ARHGAP15: variants seen among roughly 807,000 people sequenced by gnomAD.
The protein encoded by ARHGAP15 is rho GTPase-activating protein 15.
ARHGAP15 carries 51 observed loss-of-function variants against 63.7 expected under a neutral mutation model. That is an observed-to-expected ratio of 0.80 (90% CI 0.64 to 1.01). The LOEUF (loss-of-function observed/expected upper bound fraction) is 1.01, where lower values mean the gene tolerates loss of function less well. Among genes scored for constraint, ARHGAP15 ranks in the 50% least tolerant of loss-of-function variants. The pLI is 0.00. For synonymous variants in ARHGAP15, 191 were observed against 193.8 expected (o/e 0.99, Z 0.12); for missense variants, 560 against 564.6 (o/e 0.99, Z 0.08).
chr2:143,622,490 G>T (rs1698679247), intron 11 of ARHGAP15, among the ~76,000 whole-genome samples: 1 of 152,094 alleles, frequency 6.6e-6, no homozygotes, highest in Admixed American at 6.5e-5. Context: ...ACTGTTTAAA[G>T]CTGGCCTGCT....
intron 8 of ARHGAP15, among the ~76,000 whole-genome samples, chr2:143,442,077 T>C (rs1199110639): frequency 1.3e-5 from 2 of 152,176 alleles, no homozygotes; most frequent in Admixed American, 6.6e-5. Flanking sequence ...TTTTAACTTG[T>C]CTTTGTTTAA....
At chr2:143,140,430 C>A (rs1260615394) in intron 1 of ARHGAP15, among the ~76,000 whole-genome samples, 1 of 151,988 alleles carries the variant, frequency 6.6e-6, no homozygotes, top group Admixed American at 6.6e-5. Context: ...ACTCTTATGC[C>A]TGAAATTAAA....
intron 11 of ARHGAP15, among the ~76,000 whole-genome samples, chr2:143,581,743 G>A (rs976957400): frequency 3.3e-5 from 5 of 152,102 alleles, no homozygotes; most frequent in African/African-American, 7.2e-5. Context: ...TCTCAACTCC[G>A]GAAATGGCAC....
At chr2:143,131,264 C>T (rs1288558251) in intron 1 of ARHGAP15, among the ~76,000 whole-genome samples, 3 of 152,072 alleles carry the variant, frequency 2.0e-5, no homozygotes, top group Admixed American at 1.3e-4. Flanking sequence ...CAGTAAGGTA[C>T]AAACCAAATT....
At chr2:143,312,579 T>C (rs1298835177) in intron 6 of ARHGAP15, among the ~76,000 whole-genome samples, 1 of 152,294 alleles carries the variant, frequency 6.6e-6, no homozygotes, top group African/African-American at 2.4e-5. Flanking sequence ...TTATAGTGTA[T>C]GTTCTTGCCA....
At chr2:143,429,343 T>G (rs1286724687) in intron 6 of ARHGAP15, among the ~76,000 whole-genome samples, 1 of 151,996 alleles carries the variant, frequency 6.6e-6, no homozygotes, top group Non-Finnish European at 1.5e-5. Context: ...AATTTTATTA[T>G]GCAGAACAAA....
intron 9 of ARHGAP15, among the ~76,000 whole-genome samples, chr2:143,512,522 G>A (rs1693634971): frequency 6.6e-6 from 1 of 152,226 alleles, no homozygotes; most frequent in African/African-American, 2.4e-5. Flanking sequence ...ACTCTTCCTA[G>A]CCAGTGTCAT....
rs553347290 is a variant in ARHGAP15 at position 143,461,464 on chromosome 2, G to C, written c.703+24422G>C. 3.3e-5 allele frequency among the ~76,000 whole-genome samples: 5 copies of C among 152,144 alleles called. No individual in the cohort carries two copies. The South Asian group carries it at 1.0e-3, about 32-fold the overall frequency. On this transcript the variant is annotated intron_variant, in intron 8 of 13. Transcript: ENST00000295095. ...TTGAACTTAGTGCTAACTTTAGGGA[G>C]CACAGATATTAACATTTCTTCATTT... is the stretch of plus-strand genomic sequence containing the variant.
At chr2:143,493,278 C>A (rs1692668005) in intron 9 of ARHGAP15, among the ~76,000 whole-genome samples, 1 of 152,056 alleles carries the variant, frequency 6.6e-6, no homozygotes, top group South Asian at 2.1e-4. Flanking sequence ...TTTCACGTTA[C>A]CTCCATGGCT....
intron 8 of ARHGAP15, among the ~76,000 whole-genome samples, chr2:143,468,010 C>A (rs1329790013): frequency 6.6e-6 from 1 of 151,998 alleles, no homozygotes; most frequent in East Asian, 1.9e-4. Flanking sequence ...AGTTTAAGTT[C>A]ATGTTTATTA....
chr2:143,673,117 T>C (rs1374674272), intron 12 of ARHGAP15, among the ~76,000 whole-genome samples: 1 of 152,138 alleles, frequency 6.6e-6, no homozygotes, highest in African/African-American at 2.4e-5. Flanking sequence ...ATGGGGAAGA[T>C]TCAATATTGG....
chr2:143,693,412 C>T (rs1279163356), intron 12 of ARHGAP15, among the ~76,000 whole-genome samples: 1 of 152,146 alleles, frequency 6.6e-6, no homozygotes, highest in East Asian at 1.9e-4. Context: ...GCAAAAATGG[C>T]AAAGAATTCT....
At position 143,259,920 on chromosome 2, in the gene ARHGAP15, A is replaced by C. The variant is rs16858937; in HGVS notation, c.474+9320A>C. Among the ~76,000 whole-genome samples the C allele has an allele frequency of 8.1e-3, 1,227 of 152,328 alleles. 9 individuals carry two copies. Among genetic ancestry groups the C allele is most frequent in the African/African-American group, 0.027 (1,140 of 41,584 alleles). On this transcript the variant is annotated intron_variant, in intron 6 of 13. Transcript: ENST00000295095. ...CCCAAATATTAAGAAGGTTTATTGA[A>C]TCTAAAGATATGCTATTTTGCTTAA...
At chr2:143,355,557 A>G (rs1039022043) in intron 6 of ARHGAP15, among the ~76,000 whole-genome samples, 1 of 152,204 alleles carries the variant, frequency 6.6e-6, no homozygotes, top group African/African-American at 2.4e-5. Flanking sequence ...TCAGTTAATT[A>G]CAGTTAGCCT....
intron 11 of ARHGAP15, among the ~76,000 whole-genome samples, chr2:143,578,758 ATAATT>A (rs1441602441): frequency 6.6e-6 from 1 of 152,198 alleles, no homozygotes; most frequent in Non-Finnish European, 1.5e-5. Flanking sequence ...AATTGAATAA[ATAATT>A]TAGTTTTTAC....
Position 143,768,003 on chromosome 2 carries a change from C to T in ARHGAP15, c.1259C>T (p.Ala420Val), listed in dbSNP as rs768527696. Reference protein sequence around the residue: ...FGHLTKIVAKASKNLMSTQSL... With the variant: ...FGHLTKIVAKVSKNLMSTQSL... ...TCTCTCCACAGGATAGTGGCCAAAG[C>T]CTCCAAGAACCTCATGTCCACGCAA... Residue 420 changes from alanine (A) to valine (V), a missense_variant, in exon 14 of 14, where the codon GCC (alanine) becomes GTC (valine). Physicochemically the swap from Ala to Val is moderately conservative, Grantham distance 64 (BLOSUM62 0). Transcript: ENST00000295095. 2.5e-6 allele frequency: 4 copies of T among 1,613,396 alleles called. No individual in the cohort carries two copies. In the South Asian group the frequency reaches 3.3e-5, roughly 13 times the overall value.
intron 6 of ARHGAP15, among the ~76,000 whole-genome samples, chr2:143,359,728 T>C (rs1050117025): frequency 1.3e-5 from 2 of 152,208 alleles, no homozygotes; most frequent in Admixed American, 6.5e-5. Flanking sequence ...AATATTATGC[T>C]TAGTTTTTAT....
chr2:143,518,702 G>A (rs145787130), intron 9 of ARHGAP15, among the ~76,000 whole-genome samples: 36 of 152,282 alleles, frequency 2.4e-4, no homozygotes, highest in African/African-American at 7.7e-4. Flanking sequence ...TGAAGAAAGT[G>A]TGATCTGAAC....
At chr2:143,333,302 T>C (rs1684628665) in intron 6 of ARHGAP15, among the ~76,000 whole-genome samples, 1 of 152,198 alleles carries the variant, frequency 6.6e-6, no homozygotes, top group African/African-American at 2.4e-5. Flanking sequence ...GTGGACTCTT[T>C]GCAGTGTTAT....
Sources: gnomAD v4.1 joint callset for allele counts (sites outside exome capture counted in the v4.1 genomes callset) on GRCh38, gnomAD v4.1.1 for gene constraint, MANE v1.5 for transcripts, NCBI Gene and HGNC (gene_info 2026-07-23, HGNC 2026-07-21) for gene names.